Variants in KLHL29 observed in about 807,000 individuals in gnomAD.
KLHL29 encodes the protein kelch-like protein 29.
Under a neutral mutation model 80.4 loss-of-function variants are expected in KLHL29, and 21 were observed. The observed-to-expected ratio is 0.26, with a 90% CI of 0.19 to 0.38. The LOEUF is 0.38. Among genes scored for constraint, KLHL29 ranks in the 10% least tolerant of loss-of-function variants. KLHL29 has a pLI of 1.00. For synonymous variants in KLHL29, 511 were observed against 526.8 expected (o/e 0.97, Z 0.41); for missense variants, 867 against 1,223.9 (o/e 0.71, Z 4.35).
At chr2:23,535,110 A>AT (rs1339128899) in intron 2 of KLHL29, among the ~76,000 whole-genome samples, 2 of 152,332 alleles carry the variant, frequency 1.3e-5, no homozygotes, top group East Asian at 1.9e-4. Flanking sequence ...AAATTAGTTA[A>AT]TTTTTTTAAA....
chr2:23,613,772 A>AAAAAAAC, intron 3 of KLHL29, among the ~76,000 whole-genome samples: 1 of 64,940 alleles, frequency 1.5e-5, no homozygotes, highest in Non-Finnish European at 4.2e-5. Flanking sequence ...TCAAAAAAAA[A>AAAAAAAC]AAAAAAAAAA....
Position 23,633,392 on chromosome 2 carries a change from A to G in KLHL29, c.286-5747A>G, listed in dbSNP as rs1053860479. Among the ~76,000 whole-genome samples the G allele has an allele frequency of 5.3e-5, 8 of 152,200 alleles. No homozygotes were observed. In the South Asian group the frequency reaches 1.2e-3, roughly 24 times the overall value. On this transcript the variant is annotated intron_variant, in intron 3 of 13. Transcript: ENST00000486442. ...GAGATGCATGTAACACTGTACATTTATATGTCAAGAGTAAGGCACAAATGA... is the reference window on the plus strand; with the variant it reads ...GAGATGCATGTAACACTGTACATTTGTATGTCAAGAGTAAGGCACAAATGA...
At chr2:23,409,396 G>A (rs975829033) in intron 1 of KLHL29, among the ~76,000 whole-genome samples, 4 of 152,104 alleles carry the variant, frequency 2.6e-5, no homozygotes, top group Non-Finnish European at 4.4e-5. Flanking sequence ...AGGTGGGGGC[G>A]GAATCTCCCC....
intron 3 of KLHL29, chr2:23,617,286 C>A (rs1156324044): frequency 1.3e-5 from 2 of 152,266 alleles, no homozygotes; most frequent in South Asian, 4.1e-4. Flanking sequence ...CCTGTCCCCC[C>A]GTCCTGGGGG....
chr2:23,662,074 C>T (rs60415556), intron 5 of KLHL29, among the ~76,000 whole-genome samples: 14,029 of 152,186 alleles, frequency 0.092, 769 homozygotes, highest in East Asian at 0.17. Context: ...CCAGGTGCTC[C>T]GTAGGCATCA....
chr2:23,387,505 T>C (rs1666213824), intron 1 of KLHL29, among the ~76,000 whole-genome samples: 1 of 3,494 alleles, frequency 2.9e-4, no homozygotes, highest in Non-Finnish European at 4.9e-4. Flanking sequence ...CATTCCTGAT[T>C]TATTATTATT....
At chr2:23,415,616 G>A (rs967665128) in intron 1 of KLHL29, among the ~76,000 whole-genome samples, 1 of 152,174 alleles carries the variant, frequency 6.6e-6, no homozygotes, top group East Asian at 1.9e-4. Flanking sequence ...AGCTTTGCAT[G>A]AAGGTTTCTG....
At position 23,421,524 on chromosome 2, in the gene KLHL29, TTGTG is replaced by T. The variant is rs57348539; in HGVS notation, c.-154+35782_-154+35785del. On this transcript the variant is annotated intron_variant, in intron 1 of 13. Coordinates refer to ENST00000486442, the MANE Select transcript of KLHL29 (RefSeq NM_052920.2). ...GTCAGGAAGGAAGGTTTAGACAAGA[TTGTG>T]TGTGTGTGTGTGTGTGTGTGTGTGT... Among the ~76,000 whole-genome samples the T allele has an allele frequency of 9.5e-3, 1,363 of 143,552 alleles. 15 individuals are homozygous for T. The highest frequency in any genetic ancestry group is 0.045 in the South Asian group (195 of 4,286). The allele number at this position is 143,552 out of a possible 152,430, so 94.2% of individuals were successfully genotyped here. A position where few individuals can be genotyped will look rare whatever the true frequency, so the allele number is the denominator to read the frequency against.
chr2:23,522,151 C>CT (rs112951208), intron 2 of KLHL29, among the ~76,000 whole-genome samples: 12,372 of 149,318 alleles, frequency 0.083, 1,181 homozygotes, highest in African/African-American at 0.23. Flanking sequence ...TATTCTAAGG[C>CT]TTTTTTTTTT....
chr2:23,510,873 G>A (rs1047152665), intron 2 of KLHL29, among the ~76,000 whole-genome samples: 2 of 152,192 alleles, frequency 1.3e-5, no homozygotes, highest in Non-Finnish European at 2.9e-5. Context: ...GCACGTCACT[G>A]CCCTGGGGTG....
chr2:23,648,703 G>GAC (rs1670006432), intron 5 of KLHL29, among the ~76,000 whole-genome samples: 1 of 152,204 alleles, frequency 6.6e-6, no homozygotes, highest in Non-Finnish European at 1.5e-5. Flanking sequence ...GGTCCTCCAT[G>GAC]GCCACGTCAA....
At chr2:23,572,140 A>G (rs1667730709) in intron 3 of KLHL29, among the ~76,000 whole-genome samples, 1 of 152,194 alleles carries the variant, frequency 6.6e-6, no homozygotes. Flanking sequence ...TCTGAGGGAA[A>G]TCCACTAACA....
intron 1 of KLHL29, among the ~76,000 whole-genome samples, chr2:23,444,117 C>T (rs114797903): frequency 0.013 from 2,023 of 152,174 alleles, 10 homozygotes; most frequent in Non-Finnish European, 0.02. Flanking sequence ...GCATAGAATC[C>T]GTGATTTTTC....
chr2:23,555,958 A>G (rs1667280641), intron 2 of KLHL29, among the ~76,000 whole-genome samples: 1 of 152,214 alleles, frequency 6.6e-6, no homozygotes, highest in South Asian at 2.1e-4. Context: ...ACCTGTGTGC[A>G]TTGAGACGCC....
chr2:23,486,174 C>A (rs772949438), intron 2 of KLHL29, among the ~76,000 whole-genome samples: 2 of 152,160 alleles, frequency 1.3e-5, no homozygotes, highest in African/African-American at 2.4e-5. Flanking sequence ...TCTCCATAGG[C>A]CACAGCAGAG....
At chr2:23,706,039 G>A (rs1408306160) in intron 13 of KLHL29, among the ~76,000 whole-genome samples, 3 of 152,240 alleles carry the variant, frequency 2.0e-5, no homozygotes, top group African/African-American at 7.2e-5. Flanking sequence ...GGAGCTCCCA[G>A]TCAAGTGGCT....
intron 3 of KLHL29, among the ~76,000 whole-genome samples, chr2:23,615,335 C>A (rs945065147): frequency 5.3e-5 from 8 of 152,212 alleles, no homozygotes; most frequent in South Asian, 2.1e-4. Context: ...CTGCCAGGGA[C>A]CCCACTTCCA....
intron 3 of KLHL29, among the ~76,000 whole-genome samples, chr2:23,588,874 G>C (rs889124285): frequency 3.3e-5 from 5 of 152,184 alleles, no homozygotes; most frequent in African/African-American, 1.2e-4. Context: ...AGCCTGCCGA[G>C]AGAGAGGCAC....
chr2:23,385,638 G>C lies in KLHL29; in HGVS notation c.-296G>C, dbSNP rs1316760095. On this transcript the variant is annotated 5_prime_UTR_variant, in exon 1 of 14. Coordinates refer to ENST00000486442, the MANE Select transcript of KLHL29 (RefSeq NM_052920.2). ...GCAGGAACGCGAGGAGGAGGACCTG[G>C]ATCCGTTTCCTCCGGCCAGGACCCG... The C allele has an allele frequency of 1.2e-5, 2 of 166,912 alleles. No individual in the cohort carries two copies. Among genetic ancestry groups the C allele is most frequent in the Non-Finnish European group, 2.9e-5 (2 of 68,626 alleles). The allele number at this position is 166,912 out of a possible 1,614,324, so 10.3% of individuals were successfully genotyped here.
Sources: allele counts gnomAD v4.1 joint callset (sites outside exome capture counted in the v4.1 genomes callset), GRCh38; gene constraint gnomAD v4.1.1; transcripts MANE v1.5; gene names NCBI Gene and HGNC (gene_info 2026-07-23, HGNC 2026-07-21).